Variants in FBXL18 observed in about 807,000 individuals in gnomAD.
The protein encoded by FBXL18 is F-box and leucine rich repeat protein 18, also known as F-box/LRR-repeat protein 18.
In FBXL18, 36 loss-of-function variants were observed where a neutral mutation model predicts 46.0. The ratio of observed to expected loss-of-function variants is 0.78; its 90% CI spans 0.60 to 1.03. The LOEUF is 1.03. Among genes scored for constraint, FBXL18 ranks in the 50% least tolerant of loss-of-function variants. The pLI, the probability that FBXL18 is intolerant of heterozygous loss-of-function variation, is 0.00. For missense variants in FBXL18, 977 were observed against 1,004.1 expected, an observed-to-expected ratio of 0.97 and a Z score of 0.36; for synonymous variants, 557 against 465.3, an observed-to-expected ratio of 1.20 and a Z score of -2.54.
At position 5,457,488 on chromosome 7, in the gene FBXL18, T is replaced by A. The variant is rs142104375; in HGVS notation, c.2001-9645A>T. ...ATTGTGAAGCTGTTTCGAGCTAGGT[T>A]TTTTATTATTTGCTACCAAACACAT... On this transcript the variant is annotated intron_variant and NMD_transcript_variant, in intron 4 of 6. Transcript: ENST00000415009. Among the ~76,000 whole-genome samples, 397 of 152,268 alleles carry A rather than the reference T, an allele frequency of 2.6e-3. 2 individuals are homozygous for A. Among genetic ancestry groups the A allele is most frequent in the African/African-American group, 9.2e-3 (381 of 41,544 alleles).
At chr7:5,468,086 A>C (rs56676386) in intron 4 of FBXL18, among the ~76,000 whole-genome samples, 24 of 151,428 alleles carry the variant, frequency 1.6e-4, no homozygotes, top group African/African-American at 3.6e-4. Context: ...GGGTTCAAGC[A>C]ATTCTCCTGC....
chr7:5,501,529 A>G lies in FBXL18; in HGVS notation c.740T>C (p.Val247Ala). 1 of 1,613,862 alleles carries G rather than the reference A, an allele frequency of 6.2e-7. No homozygotes were observed. Among genetic ancestry groups the G allele is most frequent in the Non-Finnish European group, 8.5e-7 (1 of 1,180,010 alleles). The stretch of plus-strand genomic sequence containing the variant: ...GCTAAGCACAGCCAGGTAGAGCCGC[A>G]CCACCTCCTGGTTGATGTAGCCGGG... ...LAPGYINQEVVRLYLAVLSDR... is the reference protein window; with the variant it reads ...LAPGYINQEVARLYLAVLSDR... The change falls in exon 3 of 5, where the codon GTG becomes GCG. Residue 247 changes from valine (V) to alanine (A), a missense_variant. By Grantham distance (64) the Val-to-Ala change is moderately conservative. Transcript: ENST00000382368.
At position 5,455,243 on chromosome 7, in the gene FBXL18, TGGG is replaced by T. The variant is rs936625769; in HGVS notation, c.2001-7403_2001-7401del. Among the ~76,000 whole-genome samples, 2 of 151,030 alleles carry T rather than the reference TGGG, an allele frequency of 1.3e-5. No homozygotes were observed. ...TGGGAGCATATCTGGGGAGCACTCT[TGGG>T]GGGGAACATATCTGGGGAGCAGTAT... On this transcript the variant is annotated intron_variant and NMD_transcript_variant, in intron 4 of 6. Coordinates refer to the FBXL18 transcript ENST00000415009. The surrounding 1 kb of genome is among the most constrained non-coding windows in gnomAD (Gnocchi z 4.6).
At chr7:5,468,073 C>T (rs1316663639) in intron 4 of FBXL18, among the ~76,000 whole-genome samples, 4 of 151,646 alleles carry the variant, frequency 2.6e-5, no homozygotes, top group African/African-American at 9.7e-5. Context: ...AGCTCTGCCT[C>T]CCGGGTTCAA....
chr7:5,499,376 C>G (rs1436784746), intron 3 of FBXL18, among the ~76,000 whole-genome samples: 2 of 151,640 alleles, frequency 1.3e-5, no homozygotes, highest in Non-Finnish European at 2.9e-5. Flanking sequence ...GAACCGACTG[C>G]TCTCTGACAT....
intron 3 of FBXL18, among the ~76,000 whole-genome samples, chr7:5,497,983 G>A (rs896662997): frequency 1.3e-5 from 2 of 151,870 alleles, no homozygotes; most frequent in African/African-American, 4.8e-5. Context: ...ACTCATCTAA[G>A]CCCTGCCTCC....
intron 4 of FBXL18, among the ~76,000 whole-genome samples, chr7:5,463,777 G>A (rs1237895534): frequency 8.9e-5 from 11 of 122,930 alleles, no homozygotes; most frequent in African/African-American, 2.6e-4. Context: ...GTCTCGCTCT[G>A]TCGCCCAGGC....
At chr7:5,489,974 CAT>C (rs1783875239) in intron 4 of FBXL18, 1 of 1,279,918 alleles carries the variant, frequency 7.8e-7, no homozygotes. Context: ...AAGATTGATG[CAT>C]AGTCTAAATT....
intron 4 of FBXL18, among the ~76,000 whole-genome samples, chr7:5,485,701 A>C (rs768921994): frequency 2.9e-4 from 44 of 152,178 alleles, no homozygotes; most frequent in Non-Finnish European, 5.6e-4. Flanking sequence ...TGAGGTCGGG[A>C]GTTCGAGACC....
intron 4 of FBXL18, among the ~76,000 whole-genome samples, chr7:5,488,432 C>T (rs1436573048): frequency 6.6e-6 from 1 of 152,156 alleles, no homozygotes; most frequent in Non-Finnish European, 1.5e-5. Flanking sequence ...CACAGCCGTC[C>T]TGAACTGCTT....
intron 4 of FBXL18, among the ~76,000 whole-genome samples, chr7:5,459,625 A>G (rs35354950): frequency 0.14 from 21,436 of 152,012 alleles, 1,650 homozygotes; most frequent in South Asian, 0.26. Context: ...CTGTAGTCCC[A>G]GCTACTCAGG....
rs1401008353 is a variant in FBXL18, at chr7:5,463,720, A to T, written c.2001-15877T>A. On this transcript the variant is annotated intron_variant and NMD_transcript_variant, in intron 4 of 6. Coordinates refer to the FBXL18 transcript ENST00000415009. The stretch of plus-strand genomic sequence containing the variant: ...TATATATATATTTATTTATTTATTT[A>T]TTTATTTATTTTTTTTTTTTTTTTT... Among the ~76,000 whole-genome samples the T allele has an allele frequency of 8.3e-3, 522 of 63,036 alleles. 19 individuals are homozygous for T. Among genetic ancestry groups the T allele is most frequent in the Non-Finnish European group, 8.5e-3 (300 of 35,112 alleles). 41.4% of individuals were successfully genotyped at this position (63,036 alleles called of 152,430 possible).
Position 5,501,276 on chromosome 7 carries a change from C to A in FBXL18, c.993G>T (p.Leu331=). The A allele has an allele frequency of 6.2e-7, 1 of 1,614,154 alleles. No individual in the cohort carries two copies. Among genetic ancestry groups the A allele is most frequent in the South Asian group, 1.1e-5 (1 of 91,082 alleles). ...FSRCTLSGGH[L]IQQVINGGKD... ...TCCCGCCGTTGATGACCTGCTGGAT[C>A]AGATGGCCGCCTGACAGGGTACAGC... is the stretch of plus-strand genomic sequence containing the variant. The change falls in exon 3 of 5, where the codon CTG becomes CTT. Residue 331 remains leucine, a synonymous_variant. Transcript: ENST00000382368.
At chr7:5,491,164 G>A in intron 4 of FBXL18, 67 bp downstream of exon 4, 3 of 1,417,622 alleles carry the variant, frequency 2.1e-6, no homozygotes, top group Non-Finnish European at 2.9e-6. Flanking sequence ...TGAAGGCTGG[G>A]GACCAGGTCA....
rs1783926750 is a variant in FBXL18, at chr7:5,491,507, C to G, written c.1782-58G>C. 3.5e-6 allele frequency: 5 copies of G among 1,435,482 alleles called. No individual in the cohort carries two copies. The South Asian group carries it at 6.7e-5, about 19-fold the overall frequency. 88.9% of individuals were successfully genotyped at this position (1,435,482 alleles called of 1,614,324 possible). ...GGGAGGGGCTCGCAGGCCAGGCCAGCTGGGCGTCTGGAGGTGCTGCCAGTG... is the reference window on the plus strand; with the variant it reads ...GGGAGGGGCTCGCAGGCCAGGCCAGGTGGGCGTCTGGAGGTGCTGCCAGTG... On this transcript the variant is annotated intron_variant, in intron 3 of 4. Coordinates refer to ENST00000382368, the MANE Select transcript of FBXL18 (RefSeq NM_024963.6).
intron 4 of FBXL18, chr7:5,489,119 A>C (rs914054676): frequency 2.7e-6 from 1 of 368,690 alleles, no homozygotes; most frequent in African/African-American, 2.1e-5. Context: ...CGTGTTTTTA[A>C]AACCGCCATG....
chr7:5,503,758 G>C, intron 2 of FBXL18, among the ~76,000 whole-genome samples: 1 of 151,928 alleles, frequency 6.6e-6, no homozygotes, highest in Non-Finnish European at 1.5e-5. Flanking sequence ...CACGAGGTCA[G>C]GAGTTTGAGA....
downstream of FBXL18, among the ~76,000 whole-genome samples, chr7:5,470,816 G>A (rs140641549): frequency 3.7e-3 from 561 of 152,234 alleles, 1 homozygote; most frequent in South Asian, 6.8e-3. Flanking sequence ...CTCTCCCAGC[G>A]CGGCCGGCTG....
intron 1 of FBXL18, among the ~76,000 whole-genome samples, chr7:5,511,396 T>C (rs1784527463): frequency 6.6e-6 from 1 of 151,472 alleles, no homozygotes; most frequent in Admixed American, 6.6e-5. Context: ...CTGACCAACA[T>C]GGAGAAACCC....
Sources: allele counts gnomAD v4.1 joint callset (sites outside exome capture counted in the v4.1 genomes callset), GRCh38; gene constraint gnomAD v4.1.1; non-coding constraint Gnocchi (gnomAD v3.1); transcripts MANE v1.5; gene names NCBI Gene and HGNC (gene_info 2026-07-23, HGNC 2026-07-21).